ACACA: variants seen among roughly 807,000 people sequenced by gnomAD.
The protein encoded by ACACA is acetyl-CoA carboxylase alpha.
A neutral mutation model predicts 296.1 loss-of-function variants in ACACA; 103 were observed. The observed-to-expected ratio is 0.35, with a 90% CI of 0.30 to 0.41. The LOEUF (loss-of-function observed/expected upper bound fraction) is 0.41, where lower values mean the gene tolerates loss of function less well. ACACA is among the 10% of genes least tolerant of loss of function. The probability of loss-of-function intolerance (pLI) is 1.00; values close to 1 mark genes in which losing one functional copy is unlikely to be tolerated. For synonymous variants in ACACA, 953 were observed against 1,038.6 expected, an observed-to-expected ratio of 0.92 and a Z score of 1.58; for missense variants, 1,554 against 2,989.7, an observed-to-expected ratio of 0.52 and a Z score of 11.20.
intron 45 of ACACA, among the ~76,000 whole-genome samples, chr17:37,139,773 A>G (rs2075487417): frequency 6.6e-6 from 1 of 152,186 alleles, no homozygotes; most frequent in Admixed American, 6.5e-5. Flanking sequence ...TGTTTCTTCT[A>G]CTTATTTCAC....
Position 37,362,379 on chromosome 17 carries a change from G to A in ACACA, c.39-22529C>T, listed in dbSNP as rs563498040. On this transcript the variant is annotated intron_variant, in intron 1 of 55. Coordinates refer to ENST00000616317, the MANE Select transcript of ACACA (RefSeq NM_198834.3). The stretch of plus-strand genomic sequence containing the variant: ...TAAAGTTGCTTTCTTATCTTCCTGT[G>A]GGTAAAGTCAGAAAAGTATGAGAGG... Among the ~76,000 whole-genome samples the A allele has an allele frequency of 2.6e-5, 4 of 152,248 alleles. No homozygotes were observed. In the East Asian group the frequency reaches 7.7e-4, roughly 29 times the overall value.
At chr17:37,112,297 A>T (rs2074020215) in intron 51 of ACACA, among the ~76,000 whole-genome samples, 1 of 152,172 alleles carries the variant, frequency 6.6e-6, no homozygotes, top group African/African-American at 2.4e-5. Flanking sequence ...TTTCTAGTTT[A>T]AAAAAATTAT....
rs980048080 is a variant in ACACA at position 37,381,719 on chromosome 17, T to C, written c.38+24543A>G. ...CTCAGCTCACTGCAAGCTCCGCCTC[T>C]CGGGTTCACGCCATTCTCCTGCCTC... is the stretch of plus-strand genomic sequence containing the variant. On this transcript the variant is annotated intron_variant, in intron 1 of 55. Coordinates refer to ENST00000616317, the MANE Select transcript of ACACA (RefSeq NM_198834.3). Among the ~76,000 whole-genome samples the C allele has an allele frequency of 1.1e-4, 16 of 147,544 alleles. 1 individual carries two copies. The highest frequency in any genetic ancestry group is 6.3e-4 in the East Asian group (3 of 4,746).
intron 1 of ACACA, among the ~76,000 whole-genome samples, chr17:37,364,947 T>C (rs1247030309): frequency 1.3e-5 from 2 of 152,212 alleles, no homozygotes; most frequent in African/African-American, 2.4e-5. Context: ...CTTTGAATTC[T>C]TGTAGCAATA....
At chr17:37,132,171 CTT>C (rs1401550711) in intron 45 of ACACA, among the ~76,000 whole-genome samples, 1 of 152,222 alleles carries the variant, frequency 6.6e-6, no homozygotes, top group Admixed American at 6.5e-5. Flanking sequence ...AAACTCATAA[CTT>C]TGACATTCTA....
At chr17:37,193,004 G>A (rs879504591) in intron 36 of ACACA, among the ~76,000 whole-genome samples, 2 of 152,036 alleles carry the variant, frequency 1.3e-5, no homozygotes, top group South Asian at 2.1e-4. Context: ...AAAGCAACAT[G>A]GTCTGAAGTT....
At chr17:37,232,893 A>G (rs2079929499) in intron 25 of ACACA, among the ~76,000 whole-genome samples, 1 of 150,780 alleles carries the variant, frequency 6.6e-6, no homozygotes, top group Admixed American at 6.6e-5. Flanking sequence ...TCCTCTTCCC[A>G]TCCCCCTTGT....
At chr17:37,402,864 G>A (rs1309571888) in intron 1 of ACACA, among the ~76,000 whole-genome samples, 1 of 152,060 alleles carries the variant, frequency 6.6e-6, no homozygotes, top group Non-Finnish European at 1.5e-5. Context: ...AGTTGAGATG[G>A]GGTTTCACCA....
chr17:37,359,323 G>A (rs2049301960), intron 1 of ACACA, among the ~76,000 whole-genome samples: 1 of 152,042 alleles, frequency 6.6e-6, no homozygotes, highest in African/African-American at 2.4e-5. Context: ...GGCAGCCAAT[G>A]GGAGGGCGGC....
At chr17:37,326,453 C>T (rs2047626328) in intron 3 of ACACA, among the ~76,000 whole-genome samples, 1 of 151,788 alleles carries the variant, frequency 6.6e-6, no homozygotes, top group South Asian at 2.1e-4. Context: ...ATCTCTTGAA[C>T]CCGGGAGGCA....
chr17:37,118,900 G>A (rs768064108), intron 50 of ACACA, among the ~76,000 whole-genome samples: 1 of 152,162 alleles, frequency 6.6e-6, no homozygotes, highest in Non-Finnish European at 1.5e-5. Context: ...CAGCCAATCT[G>A]GGCCTGAGCC....
chr17:37,196,399 T>C (rs750918791), intron 35 of ACACA, among the ~76,000 whole-genome samples: 5 of 152,098 alleles, frequency 3.3e-5, no homozygotes, highest in Admixed American at 6.5e-5. Context: ...AATCACACAA[T>C]AGTCATAAAA....
chr17:37,323,277 A>C (rs1344545412), intron 3 of ACACA, among the ~76,000 whole-genome samples: 1 of 152,230 alleles, frequency 6.6e-6, no homozygotes, highest in African/African-American at 2.4e-5. Context: ...AAGGGAGATG[A>C]GGGAACTCTC....
chr17:37,115,786 A>G (rs1282091740), intron 50 of ACACA, among the ~76,000 whole-genome samples: 1 of 152,172 alleles, frequency 6.6e-6, no homozygotes, highest in Non-Finnish European at 1.5e-5. Context: ...TGTCATCATC[A>G]TGGCTAGCTT....
At chr17:37,396,684 A>G (rs1431203926) in intron 1 of ACACA, among the ~76,000 whole-genome samples, 1 of 152,176 alleles carries the variant, frequency 6.6e-6, no homozygotes, top group Non-Finnish European at 1.5e-5. Flanking sequence ...TTTCCAAGGA[A>G]GAGTTGCTGC....
rs772052399 is a variant in ACACA, at chr17:37,087,269, T to C, written c.*47A>G. 1.9e-6 allele frequency: 3 copies of C among 1,613,064 alleles called. No individual in the cohort carries two copies. The highest frequency in any genetic ancestry group is 2.5e-6 in the Non-Finnish European group (3 of 1,179,584). ...TGGTTACAGTTGTAAAAGGCAGCTC[T>C]AGCCCTTTTCTCCAGAGACAGGGCA... On this transcript the variant is annotated 3_prime_UTR_variant, in exon 56 of 56. Coordinates refer to ENST00000616317, the MANE Select transcript of ACACA (RefSeq NM_198834.3).
intron 35 of ACACA, 85 bp downstream of exon 35, chr17:37,200,054 C>A: frequency 1.0e-6 from 1 of 966,940 alleles, no homozygotes; most frequent in Non-Finnish European, 1.7e-6. Context: ...TCAGTCCAGC[C>A]CTTCTAACAT....
chr17:37,379,205 G>C (rs759050920), intron 1 of ACACA: 1 of 1,613,994 alleles, frequency 6.2e-7, no homozygotes, highest in South Asian at 1.1e-5. Context: ...GCAGTGCCTT[G>C]GCTCTGACAG....
At chr17:37,299,536 T>TAATGATA in intron 3 of ACACA, 1 of 1,422,602 alleles carries the variant, frequency 7.0e-7, no homozygotes, top group Non-Finnish European at 9.2e-7. Flanking sequence ...TTTCCTTCTT[T>TAATGATA]CCCCACCTTT....
Sources: allele counts gnomAD v4.1 joint callset (sites outside exome capture counted in the v4.1 genomes callset), GRCh38; gene constraint gnomAD v4.1.1; transcripts MANE v1.5; gene names NCBI Gene and HGNC (gene_info 2026-07-23, HGNC 2026-07-21).